Variants in CHERP observed in about 807,000 individuals in gnomAD.
The protein encoded by CHERP is ERPROT 213-21.
CHERP carries 8 observed loss-of-function variants against 113.8 expected under a neutral mutation model. The ratio of observed to expected loss-of-function variants is 0.07; its 90% CI spans 0.04 to 0.13. The LOEUF is 0.13. CHERP is among the 10% of genes least tolerant of loss of function. CHERP has a pLI of 1.00. For missense variants in CHERP, 884 were observed against 1,298.2 expected (o/e 0.68, Z 4.90); for synonymous variants, 559 against 524.5 (o/e 1.07, Z -0.90).
Position 16,519,048 on chromosome 19 carries a change from G to A in CHERP, c.*111C>T. On this transcript the variant is annotated 3_prime_UTR_variant, in exon 17 of 17. Coordinates refer to ENST00000546361, the MANE Select transcript of CHERP (RefSeq NM_006387.6). The surrounding 1 kb of genome is among the most constrained non-coding windows in gnomAD (Gnocchi z 6.0). ...CTTCTCTTCCTGTGGCTCTCCACAA[G>A]TGGAGACGGTGTAAGAACTGAGCTG... 1 of 982,278 alleles carries A rather than the reference G, an allele frequency of 1.0e-6. No individual in the cohort carries two copies. The highest frequency in any genetic ancestry group is 1.5e-6 in the Non-Finnish European group (1 of 663,596). The allele number at this position is 982,278 out of a possible 1,614,324, so 60.8% of individuals were successfully genotyped here.
In CHERP at chr19:16,532,344, T is replaced by A. The variant is rs1044375094; in HGVS notation, c.674+254A>T. 6.6e-6 allele frequency: 3 copies of A among 455,096 alleles called. No individual in the cohort carries two copies. In the East Asian group the frequency reaches 1.1e-4, roughly 16 times the overall value. 28.2% of individuals were successfully genotyped at this position (455,096 alleles called of 1,614,324 possible). A position where few individuals can be genotyped will look rare whatever the true frequency, so the allele number is the denominator to read the frequency against. ...GACAGTGGCCCCCAGGAGACAGCAA[T>A]GTGACAGGTGAGGCCGGGGTCTAGG... On this transcript the variant is annotated intron_variant, in intron 5 of 16. Coordinates refer to ENST00000546361, the MANE Select transcript of CHERP (RefSeq NM_006387.6). The surrounding 1 kb of genome is among the most constrained non-coding windows in gnomAD (Gnocchi z 4.4).
At chr19:16,540,759 G>A (rs755303658) in intron 2 of CHERP, among the ~76,000 whole-genome samples, 6 of 148,590 alleles carry the variant, frequency 4.0e-5, no homozygotes, top group Admixed American at 6.7e-5. Flanking sequence ...GTGCAATGGC[G>A]TGGTCTTGGC....
chr19:16,522,260 ACC>A (rs367731078), intron 11 of CHERP, among the ~76,000 whole-genome samples: 31 of 144,182 alleles, frequency 2.2e-4, no homozygotes, highest in Non-Finnish European at 3.6e-4. Context: ...GGCCTCCCCA[ACC>A]CCCCCTTTTT....
intron 11 of CHERP, among the ~76,000 whole-genome samples, chr19:16,522,069 C>T (rs1219499584): frequency 6.6e-6 from 1 of 151,656 alleles, no homozygotes; most frequent in Non-Finnish European, 1.5e-5. Context: ...TATCCTTCTT[C>T]TGCTCCGTCT....
chr19:16,519,737 CTTT>C lies in CHERP; in HGVS notation c.2463-25_2463-23del. 6.9e-6 allele frequency: 11 copies of C among 1,586,924 alleles called. No homozygotes were observed. Among genetic ancestry groups the C allele is most frequent in the Non-Finnish European group, 9.5e-6 (11 of 1,155,566 alleles). On this transcript the variant is annotated intron_variant, in intron 15 of 16. Transcript: ENST00000546361. The surrounding 1 kb of genome is among the most constrained non-coding windows in gnomAD (Gnocchi z 6.0). ...GGAACTAAAATCGAGACAGGTTATTCTTTTTAAGAAGTAACTGAGACATTTATT... is the reference window on the plus strand; with the variant it reads ...GGAACTAAAATCGAGACAGGTTATTCTTAAGAAGTAACTGAGACATTTATT...
chr19:16,535,458 G>C lies in CHERP; in HGVS notation c.378C>G (p.Leu126=). The change falls in exon 3 of 17, where the codon CTC becomes CTG. Residue 126 remains leucine, a synonymous_variant. Coordinates refer to ENST00000546361, the MANE Select transcript of CHERP (RefSeq NM_006387.6). This position sits in a 1 kb window ranked among gnomAD's most constrained non-coding sequence, Gnocchi z 4.3. ...GGAGGCGGCGGGCCCATACCTGTCT[G>C]AGCGCCAGCAAGTGCTGCTCCTGCT... The part of the protein sequence containing the change: ...LQQQEQHLLA[L]RQEQVTAAVA... 1 of 1,608,464 alleles carries C rather than the reference G, an allele frequency of 6.2e-7. No homozygotes were observed. Among genetic ancestry groups the C allele is most frequent in the Non-Finnish European group, 8.5e-7 (1 of 1,177,682 alleles).
At position 16,532,788 on chromosome 19, in the gene CHERP, G is replaced by A. The variant is rs756411942; in HGVS notation, c.523-39C>T. ...GCCAATGACGAGTGAGCAGGGCCGC[G>A]GCTCCCCCAGGCACCCACTGCATCC... On this transcript the variant is annotated intron_variant, in intron 4 of 16. Transcript: ENST00000546361. The surrounding 1 kb of genome is among the most constrained non-coding windows in gnomAD (Gnocchi z 4.4). The A allele has an allele frequency of 2.0e-5, 32 of 1,580,360 alleles. No homozygotes were observed. The East Asian group carries it at 2.0e-4, about 10-fold the overall frequency.
Position 16,520,947 on chromosome 19 carries a change from A to T in CHERP, c.2115-35T>A, listed in dbSNP as rs901298668. 32 of 1,563,356 alleles carry T rather than the reference A, an allele frequency of 2.0e-5. No individual in the cohort carries two copies. Among genetic ancestry groups the T allele is most frequent in the Non-Finnish European group, 2.8e-5 (32 of 1,135,068 alleles). ...ACGGCATTCCGTGTGTGACCACGTG[A>T]CACCCACCCACAAGGAAGTCGTGAA... On this transcript the variant is annotated intron_variant, in intron 12 of 16. Coordinates refer to ENST00000546361, the MANE Select transcript of CHERP (RefSeq NM_006387.6). This position sits in a 1 kb window ranked among gnomAD's most constrained non-coding sequence, Gnocchi z 4.0.
rs948883574 is a variant in CHERP, at chr19:16,518,940, G to A, written c.*219C>T. On this transcript the variant is annotated 3_prime_UTR_variant, in exon 17 of 17. Coordinates refer to ENST00000546361, the MANE Select transcript of CHERP (RefSeq NM_006387.6). Reference sequence around the variant, plus strand: ...AGCCTGGGGCCCTGGTGGCTGCAGCGCCTCCTGGTGTGGTTTGTGGGTGGC... The same window carrying A: ...AGCCTGGGGCCCTGGTGGCTGCAGCACCTCCTGGTGTGGTTTGTGGGTGGC... 14 of 569,750 alleles carry A rather than the reference G, an allele frequency of 2.5e-5. No individual in the cohort carries two copies. Among genetic ancestry groups the A allele is most frequent in the East Asian group, 9.2e-5 (3 of 32,692 alleles). 35.3% of individuals were successfully genotyped at this position (569,750 alleles called of 1,614,324 possible).
At chr19:16,527,986 T>G in intron 9 of CHERP, 94 bp downstream of exon 9, 3 of 1,230,578 alleles carry the variant, frequency 2.4e-6, no homozygotes, top group Non-Finnish European at 3.5e-6. Flanking sequence ...TGTTCCCCAG[T>G]AAGCCACTCA....
In CHERP at chr19:16,525,841, C is replaced by G. The variant is rs914173356; in HGVS notation, c.1306-164G>C. On this transcript the variant is annotated intron_variant, in intron 9 of 16. Coordinates refer to ENST00000546361, the MANE Select transcript of CHERP (RefSeq NM_006387.6). This position sits in a 1 kb window ranked among gnomAD's most constrained non-coding sequence, Gnocchi z 6.5. ...TGACGCCTGCGAGGATGCTGGGCAC[C>G]TGCTCTCAGCCCGCACCACATGCTG... is the stretch of plus-strand genomic sequence containing the variant. 1.3e-5 allele frequency among the ~76,000 whole-genome samples: 2 copies of G among 152,254 alleles called. No homozygotes were observed. The highest frequency in any genetic ancestry group is 3.9e-4 in the East Asian group (2 of 5,186).
rs2085732314 is a variant in CHERP, at chr19:16,535,126, T to C, written c.384+326A>G. On this transcript the variant is annotated intron_variant, in intron 3 of 16. Coordinates refer to ENST00000546361, the MANE Select transcript of CHERP (RefSeq NM_006387.6). The surrounding 1 kb of genome is among the most constrained non-coding windows in gnomAD (Gnocchi z 4.3). ...AGCTCCAGGTGACCTAGCTACTGTG[T>C]GGTGGGGCCAATGGTAGGCACCAGA... 2.0e-5 allele frequency among the ~76,000 whole-genome samples: 3 copies of C among 151,618 alleles called. No homozygotes were observed. Among genetic ancestry groups the C allele is most frequent in the African/African-American group, 7.3e-5 (3 of 41,266 alleles).
Position 16,528,664 on chromosome 19 carries a change from C to T in CHERP, c.1130-409G>A, listed in dbSNP as rs2085673237. Among the ~76,000 whole-genome samples the T allele has an allele frequency of 2.0e-5, 3 of 152,154 alleles. No homozygotes were observed. The South Asian group carries it at 6.2e-4, about 31-fold the overall frequency. On this transcript the variant is annotated intron_variant, in intron 8 of 16. Transcript: ENST00000546361. ...TTGATCAGAATGTAATTTTAAAATC[C>T]TTTGCTAGGCCGGGTGCGGTGGCTC... is the stretch of plus-strand genomic sequence containing the variant.
rs764212681 is a variant in CHERP at position 16,535,499 on chromosome 19, G to C, written c.337C>G (p.Gln113Glu). The C allele has an allele frequency of 6.2e-7, 1 of 1,609,464 alleles. No individual in the cohort carries two copies. Among genetic ancestry groups the C allele is most frequent in the South Asian group, 1.1e-5 (1 of 90,206 alleles). ...PSMDELIQQS[Q>E]WNLQQQEQHL... Reference sequence around the variant, plus strand: ...TGCTCCTGCTGCTGGAGGTTCCACTGGCTCTGCTGGATGAGCTCGTCCATG... The same window carrying C: ...TGCTCCTGCTGCTGGAGGTTCCACTCGCTCTGCTGGATGAGCTCGTCCATG... The change falls in exon 3 of 17, where the codon CAG becomes GAG. Residue 113 changes from glutamine (Q) to glutamate (E), a missense_variant. Physicochemically the swap from Gln to Glu is conservative, Grantham distance 29. Around this residue, in one of 8 missense-constraint regions of CHERP, gnomAD observed 109 missense variants for 134.2 expected, o/e 0.81. Transcript: ENST00000546361. The surrounding 1 kb of genome is among the most constrained non-coding windows in gnomAD (Gnocchi z 4.3).
Position 16,518,892 on chromosome 19 carries a change from T to G in CHERP, c.*267A>C. ...ACTCGGGCGGAGGGTCTTGTGTTTT[T>G]TGCTTCGCTATAAAGGAAAACGAGC... On this transcript the variant is annotated 3_prime_UTR_variant, in exon 17 of 17. Transcript: ENST00000546361. 1 of 501,020 alleles carries G rather than the reference T, an allele frequency of 2.0e-6. No individual in the cohort carries two copies. The highest frequency in any genetic ancestry group is 2.5e-5 in the South Asian group (1 of 40,430). 31.0% of individuals were successfully genotyped at this position (501,020 alleles called of 1,614,324 possible). A position where few individuals can be genotyped will look rare whatever the true frequency, so the allele number is the denominator to read the frequency against.
At position 16,520,085 on chromosome 19, in the gene CHERP, C is replaced by A; in HGVS notation, c.2462+64G>T. ...AGTCTCCTAACCACCAATGTTTCCACATTCACAGCAAAGCACCGCAGCTTC... is the reference window on the plus strand; with the variant it reads ...AGTCTCCTAACCACCAATGTTTCCAAATTCACAGCAAAGCACCGCAGCTTC... On this transcript the variant is annotated intron_variant, in intron 15 of 16. Coordinates refer to ENST00000546361, the MANE Select transcript of CHERP (RefSeq NM_006387.6). The surrounding 1 kb of genome is among the most constrained non-coding windows in gnomAD (Gnocchi z 4.0). 6.6e-7 allele frequency: 1 copy of A among 1,523,332 alleles called. No individual in the cohort carries two copies. The allele number at this position is 1,523,332 out of a possible 1,614,324, so 94.4% of individuals were successfully genotyped here.
rs200665277 is a variant in CHERP at position 16,520,249 on chromosome 19, G to A, written c.2362C>T (p.Arg788Cys). ...RSRSRSRSRS[R>C]SSRSRSRSQS... ...GACCGGGAGCGGCTTCTGGAGGAGC[G>A]CGACCTGCTCCGACTTCTGCAGGGA... is the stretch of plus-strand genomic sequence containing the variant. Residue 788 changes from arginine (R) to cysteine (C), a missense_variant, in exon 15 of 17, where the codon CGC becomes TGC. By Grantham distance (180) the Arg-to-Cys change is radical. This residue lies in a region of CHERP where 159 missense variants were observed against 185.8 expected (regional missense o/e 0.86). Transcript: ENST00000546361. The surrounding 1 kb of genome is among the most constrained non-coding windows in gnomAD (Gnocchi z 4.0). 2.7e-4 allele frequency: 442 copies of A among 1,613,262 alleles called. 1 individual carries two copies. Among genetic ancestry groups the A allele is most frequent in the Non-Finnish European group, 3.3e-4 (389 of 1,180,012 alleles).
In CHERP at chr19:16,525,929, G is replaced by A. The variant is rs2085655068; in HGVS notation, c.1306-252C>T. The stretch of plus-strand genomic sequence containing the variant: ...TCTCAGTCCCGGGGCTGTTTCTGCC[G>A]CTGGGGCGCGCTGCACCCGCACACA... On this transcript the variant is annotated intron_variant, in intron 9 of 16. Transcript: ENST00000546361. The surrounding 1 kb of genome is among the most constrained non-coding windows in gnomAD (Gnocchi z 6.5). Among the ~76,000 whole-genome samples, 1 of 152,160 alleles carries A rather than the reference G, an allele frequency of 6.6e-6. No homozygotes were observed. The highest frequency in any genetic ancestry group is 1.5e-5 in the Non-Finnish European group (1 of 68,016).
rs546473562 is a variant in CHERP at position 16,523,407 on chromosome 19, T to G, written c.1742-117A>C. 2.5e-4 allele frequency: 293 copies of G among 1,186,048 alleles called. No homozygotes were observed. In the African/African-American group the frequency reaches 4.2e-3, roughly 17 times the overall value. 73.5% of individuals were successfully genotyped at this position (1,186,048 alleles called of 1,614,324 possible). ...GAGACGAACCCCTCCTGGGAGCCTG[T>G]CCAGCATCTTCTCTCACTGCTTAAG... On this transcript the variant is annotated intron_variant, in intron 10 of 16. Transcript: ENST00000546361. This position sits in a 1 kb window ranked among gnomAD's most constrained non-coding sequence, Gnocchi z 4.0.
Sources: allele counts gnomAD v4.1 joint callset (sites outside exome capture counted in the v4.1 genomes callset), GRCh38; gene constraint gnomAD v4.1.1; regional missense constraint gnomAD v4.1.1; non-coding constraint Gnocchi (gnomAD v3.1); transcripts MANE v1.5; gene names NCBI Gene and HGNC (gene_info 2026-07-23, HGNC 2026-07-21).